Variants in KALRN observed in about 807,000 individuals in gnomAD.
KALRN encodes the protein kalirin.
A neutral mutation model predicts 353.7 loss-of-function variants in KALRN; 70 were observed. The observed-to-expected ratio is 0.20, with a 90% CI of 0.16 to 0.24. The LOEUF (loss-of-function observed/expected upper bound fraction) is 0.24, where lower values mean the gene tolerates loss of function less well. Among genes scored for constraint, KALRN ranks in the 10% least tolerant of loss-of-function variants. The pLI is 1.00. For synonymous variants in KALRN, 1,391 were observed against 1,434.8 expected, an observed-to-expected ratio of 0.97 and a Z score of 0.69; for missense variants, 2,791 against 3,756.7, an observed-to-expected ratio of 0.74 and a Z score of 6.72.
intron 47 of KALRN, among the ~76,000 whole-genome samples, chr3:124,669,963 C>CTTTTT (rs61190740): frequency 1.5e-5 from 2 of 136,486 alleles, no homozygotes; most frequent in Non-Finnish European, 3.2e-5. Context: ...CATATATTTT[C>CTTTTT]TTTTTTTTTT....
chr3:124,695,966 A>C (rs955555274), intron 53 of KALRN, among the ~76,000 whole-genome samples, 168 bp from the exon 54 acceptor site: 9 of 152,156 alleles, frequency 5.9e-5, no homozygotes, highest in Admixed American at 3.3e-4. Flanking sequence ...CCATATAAGG[A>C]ACTGGGGATG....
At chr3:124,533,565 A>G (rs1289179452) in intron 33 of KALRN, among the ~76,000 whole-genome samples, 1 of 152,146 alleles carries the variant, frequency 6.6e-6, no homozygotes. Context: ...AGGTCACCTG[A>G]GCTTGGCAAG....
intron 1 of KALRN, among the ~76,000 whole-genome samples, chr3:124,076,724 G>A (rs371925387): frequency 6.6e-6 from 1 of 152,208 alleles, no homozygotes; most frequent in East Asian, 1.9e-4. Context: ...TAGATGATGA[G>A]TGGCAGCAAT....
intron 13 of KALRN, among the ~76,000 whole-genome samples, chr3:124,402,391 C>T (rs959434585): frequency 5.3e-5 from 8 of 152,256 alleles, no homozygotes; most frequent in East Asian, 3.9e-4. Flanking sequence ...TGTTCTATAA[C>T]GTTTTTTTCC....
chr3:124,563,874 A>T (rs1256404986), intron 34 of KALRN, among the ~76,000 whole-genome samples: 1 of 152,122 alleles, frequency 6.6e-6, no homozygotes, highest in Non-Finnish European at 1.5e-5. Flanking sequence ...ACATACCTGT[A>T]GTCCCAGCTA....
At chr3:124,170,952 T>A (rs1200531044) in intron 1 of KALRN, among the ~76,000 whole-genome samples, 1 of 148,146 alleles carries the variant, frequency 6.8e-6, no homozygotes, top group African/African-American at 2.5e-5. Context: ...TAGCTGGGAT[T>A]ATAAGTGTGT....
At chr3:124,577,347 C>CA (rs1465533667) in intron 34 of KALRN, among the ~76,000 whole-genome samples, 1 of 152,122 alleles carries the variant, frequency 6.6e-6, no homozygotes, top group Non-Finnish European at 1.5e-5. Flanking sequence ...TAGGTGAAGA[C>CA]ATATGGACTG....
intron 1 of KALRN, among the ~76,000 whole-genome samples, chr3:124,207,597 G>A (rs921903116): frequency 2.0e-5 from 3 of 152,112 alleles, no homozygotes; most frequent in African/African-American, 7.2e-5. Context: ...TTCATGCACA[G>A]GCTTTGGAAT....
chr3:124,467,236 T>A (rs114008021), intron 25 of KALRN, among the ~76,000 whole-genome samples: 2,758 of 152,294 alleles, frequency 0.018, 34 homozygotes, highest in Non-Finnish European at 0.027. Context: ...AAATCGAGGC[T>A]GGGGAATTTA....
chr3:124,063,094 C>T (rs1262684414), intron 1 of KALRN, among the ~76,000 whole-genome samples: 2 of 152,060 alleles, frequency 1.3e-5, no homozygotes, highest in African/African-American at 4.8e-5. Context: ...GTTAGTGAAC[C>T]CTTCCAGGAG....
Position 124,611,229 on chromosome 3 carries a change from C to T in KALRN, c.5183-21191C>T, listed in dbSNP as rs549008415. On this transcript the variant is annotated intron_variant, in intron 34 of 59. Transcript: ENST00000682506. ...GGGCTCTGTGGGATCTGGGGAAGGA[C>T]CGCCTAGGTAGAGAGAGAAGTAACA... Among the ~76,000 whole-genome samples the T allele has an allele frequency of 2.6e-4, 39 of 152,174 alleles. No homozygotes were observed. In the East Asian group the frequency reaches 7.3e-3, roughly 29 times the overall value.
At chr3:124,642,810 T>G (rs1285729885) in intron 37 of KALRN, among the ~76,000 whole-genome samples, 43 of 137,886 alleles carry the variant, frequency 3.1e-4, no homozygotes, top group Non-Finnish European at 3.5e-4. Context: ...AGCCTCGTTT[T>G]TTTTTTTTTT....
intron 33 of KALRN, among the ~76,000 whole-genome samples, chr3:124,536,429 T>G (rs2068527017): frequency 6.6e-6 from 1 of 152,024 alleles, no homozygotes; most frequent in South Asian, 2.1e-4. Flanking sequence ...CTTGAACTCC[T>G]GACCTCAGGT....
chr3:124,372,115 T>C (rs2085926516), intron 10 of KALRN, among the ~76,000 whole-genome samples: 2 of 152,210 alleles, frequency 1.3e-5, no homozygotes, highest in South Asian at 2.1e-4. Flanking sequence ...TTTTTGCAAA[T>C]GACTGGATCT....
chr3:124,577,058 A>G (rs2074178928), intron 34 of KALRN, among the ~76,000 whole-genome samples: 1 of 152,108 alleles, frequency 6.6e-6, no homozygotes, highest in African/African-American at 2.4e-5. Flanking sequence ...ATATCCAGGA[A>G]CCTGTCCTTG....
chr3:124,290,019 G>A (rs1190019198), intron 5 of KALRN, among the ~76,000 whole-genome samples: 1 of 152,140 alleles, frequency 6.6e-6, no homozygotes, highest in African/African-American at 2.4e-5. Flanking sequence ...TGGCAGCCAG[G>A]GAAGTGGGAG....
rs552144657 is a variant in KALRN at position 124,074,524 on chromosome 3, C to G, written c.73+40711C>G. On this transcript the variant is annotated intron_variant, in intron 1 of 59. Coordinates refer to ENST00000682506, the MANE Select transcript of KALRN (RefSeq NM_001388419.1). ...CAATCACAAGGTCCAGAGAATGGAG[C>G]CCAGAATTTATCTTATCTGGAGAGA... is the stretch of plus-strand genomic sequence containing the variant. Among the ~76,000 whole-genome samples the G allele has an allele frequency of 1.0e-3, 152 of 152,278 alleles. 1 individual carries two copies. The highest frequency in any genetic ancestry group is 3.5e-3 in the African/African-American group (147 of 41,540).
chr3:124,317,955 C>T (rs2078971565), intron 6 of KALRN, among the ~76,000 whole-genome samples: 1 of 152,052 alleles, frequency 6.6e-6, no homozygotes. Flanking sequence ...TGCAATGATG[C>T]CTCATACAAA....
intron 34 of KALRN, among the ~76,000 whole-genome samples, chr3:124,618,202 G>A (rs145579701): frequency 0.034 from 4,703 of 140,270 alleles, 111 homozygotes; most frequent in Middle Eastern, 0.099. Flanking sequence ...TCCGCCTCCC[G>A]GGGTTCATGC....
Sources: gnomAD v4.1 joint callset for allele counts (sites outside exome capture counted in the v4.1 genomes callset) on GRCh38, gnomAD v4.1.1 for gene constraint, MANE v1.5 for transcripts, NCBI Gene and HGNC (gene_info 2026-07-23, HGNC 2026-07-21) for gene names.